Variants in APLF observed in about 807,000 individuals in gnomAD.
The protein encoded by APLF is aprataxin and PNK-like factor.
A neutral mutation model predicts 55.6 loss-of-function variants in APLF; 61 were observed. That is an observed-to-expected ratio of 1.10 (90% CI 0.89 to 1.36). The LOEUF (loss-of-function observed/expected upper bound fraction) is 1.36. APLF is among the 40% of genes most tolerant of loss of function. APLF has a pLI of 0.00. For synonymous variants in APLF, 207 were observed against 214.8 expected, an observed-to-expected ratio of 0.96 and a Z score of 0.32; for missense variants, 611 against 602.5, an observed-to-expected ratio of 1.01 and a Z score of -0.15.
intron 8 of APLF, among the ~76,000 whole-genome samples, chr2:68,550,850 A>G (rs1392150303): frequency 6.6e-6 from 1 of 152,100 alleles, no homozygotes. Flanking sequence ...ATATAGTTAT[A>G]CCTCTGTACA....
chr2:68,467,589 G>A lies in APLF; in HGVS notation c.-143G>A, dbSNP rs899781581. 4 of 575,676 alleles carry A rather than the reference G, an allele frequency of 6.9e-6. No individual in the cohort carries two copies. Among genetic ancestry groups the A allele is most frequent in the East Asian group, 7.0e-5 (2 of 28,776 alleles). The allele number at this position is 575,676 out of a possible 1,614,324, so 35.7% of individuals were successfully genotyped here. A position where few individuals can be genotyped will look rare whatever the true frequency, so the allele number is the denominator to read the frequency against. On this transcript the variant is annotated 5_prime_UTR_variant, in exon 1 of 10. Transcript: ENST00000303795. ...GCTGCGCTGGGGCCGGGCTCTGAGA[G>A]GACCGGCGCAGCCGCGGGGAGCCTT...
chr2:68,484,335 T>G lies in APLF; in HGVS notation c.97-5855T>G, dbSNP rs184293952. ...TCAAATATAAGGGATCCACATGGTATCACTACAAAAGTGGTATAAGAATAG... is the reference window on the plus strand; with the variant it reads ...TCAAATATAAGGGATCCACATGGTAGCACTACAAAAGTGGTATAAGAATAG... On this transcript the variant is annotated intron_variant, in intron 1 of 9. Transcript: ENST00000303795. Among the ~76,000 whole-genome samples the G allele has an allele frequency of 5.6e-4, 85 of 152,228 alleles. 1 individual carries two copies. In the East Asian group the frequency reaches 0.011, roughly 19 times the overall value.
intron 7 of APLF, among the ~76,000 whole-genome samples, chr2:68,542,088 C>T (rs1403011504): frequency 6.6e-6 from 1 of 152,120 alleles, no homozygotes; most frequent in Non-Finnish European, 1.5e-5. Flanking sequence ...TGCATATTCA[C>T]ATGCAAAAGA....
At chr2:68,552,855 G>A (rs1356791686) in intron 8 of APLF, among the ~76,000 whole-genome samples, 1 of 151,704 alleles carries the variant, frequency 6.6e-6, no homozygotes, top group African/African-American at 2.4e-5. Flanking sequence ...GTATAGATAT[G>A]GTGCTTTCTT....
At chr2:68,517,423 A>G (rs1477604125) in intron 5 of APLF, among the ~76,000 whole-genome samples, 1 of 132,414 alleles carries the variant, frequency 7.6e-6, no homozygotes, top group East Asian at 2.2e-4. Flanking sequence ...ATATTACTAT[A>G]TATTAATATA....
In APLF at chr2:68,467,704, T is replaced by C; in HGVS notation, c.-28T>C. On this transcript the variant is annotated 5_prime_UTR_variant, in exon 1 of 10. Transcript: ENST00000303795. The stretch of plus-strand genomic sequence containing the variant: ...GGAAACAGCGGAGGGGCCAGTCTCC[T>C]GGCGAAGGGGCCTAATCCTTGCCCG... 8.1e-7 allele frequency: 1 copy of C among 1,234,002 alleles called. No homozygotes were observed. The allele number at this position is 1,234,002 out of a possible 1,614,324, so 76.4% of individuals were successfully genotyped here.
rs900353201 is a variant in APLF at position 68,501,952 on chromosome 2, T to C, written c.169-779T>C. Among the ~76,000 whole-genome samples, 15 of 152,160 alleles carry C rather than the reference T, an allele frequency of 9.9e-5. No individual in the cohort carries two copies. The East Asian group carries it at 1.3e-3, about 14-fold the overall frequency. The stretch of plus-strand genomic sequence containing the variant: ...CTGGAAGCTGGGAAGTCTAAAATGC[T>C]GGGGCCGCATCTGGTGAGAGCTTTT... On this transcript the variant is annotated intron_variant, in intron 2 of 9. Coordinates refer to ENST00000303795, the MANE Select transcript of APLF (RefSeq NM_173545.3).
chr2:68,493,274 G>A (rs1200004206), intron 2 of APLF, among the ~76,000 whole-genome samples: 1 of 152,154 alleles, frequency 6.6e-6, no homozygotes, highest in African/African-American at 2.4e-5. Context: ...TTGCGTATCA[G>A]TGGGGAAGAG....
chr2:68,477,312 A>C (rs1446262123), intron 1 of APLF, among the ~76,000 whole-genome samples: 12 of 152,118 alleles, frequency 7.9e-5, no homozygotes, highest in Non-Finnish European at 1.8e-4. Flanking sequence ...GAGCAGTTCA[A>C]CTCTCCAGTA....
intron 8 of APLF, among the ~76,000 whole-genome samples, chr2:68,563,688 C>A (rs962219917): frequency 6.6e-6 from 1 of 151,966 alleles, no homozygotes; most frequent in African/African-American, 2.4e-5. Flanking sequence ...TTTAAAAAGC[C>A]TGACATTTAG....
At chr2:68,533,576 T>G (rs1670314982) in intron 6 of APLF, among the ~76,000 whole-genome samples, 1 of 152,238 alleles carries the variant, frequency 6.6e-6, no homozygotes, top group South Asian at 2.1e-4. Flanking sequence ...ATGTTTTTGG[T>G]GTCAGCTGGG....
intron 1 of APLF, among the ~76,000 whole-genome samples, chr2:68,480,948 A>T (rs1675931441): frequency 6.6e-6 from 1 of 152,176 alleles, no homozygotes; most frequent in Non-Finnish European, 1.5e-5. Flanking sequence ...TTGTTGCATC[A>T]CTGGGATAAA....
At chr2:68,528,945 T>A (rs1412270558) in intron 6 of APLF, 9 of 1,521,736 alleles carry the variant, frequency 5.9e-6, no homozygotes, top group Non-Finnish European at 7.9e-6. Flanking sequence ...CCCCTTTTAT[T>A]GTCCTCCTGC....
chr2:68,467,835 TGGGCGG>T lies in APLF; in HGVS notation c.96+13_96+18del. ...CGCGGGCCGCTGCTGGGAGTAAGTG[TGGGCGG>T]GGGCTTAGCGGACCCCGAGAGCCGT... On this transcript the variant is annotated intron_variant, in intron 1 of 9. Coordinates refer to ENST00000303795, the MANE Select transcript of APLF (RefSeq NM_173545.3). 1 of 1,232,176 alleles carries T rather than the reference TGGGCGG, an allele frequency of 8.1e-7. No individual in the cohort carries two copies. Among genetic ancestry groups the T allele is most frequent in the Non-Finnish European group, 1.0e-6 (1 of 987,918 alleles). 76.3% of individuals were successfully genotyped at this position (1,232,176 alleles called of 1,614,324 possible).
chr2:68,501,815 G>T (rs112367163), intron 2 of APLF, among the ~76,000 whole-genome samples: 3,910 of 152,252 alleles, frequency 0.026, 67 homozygotes, highest in South Asian at 0.043. Flanking sequence ...TTGCTTGAGA[G>T]ATTTGATTAG....
chr2:68,511,222 T>C (rs1233479212), intron 3 of APLF, among the ~76,000 whole-genome samples: 1 of 151,798 alleles, frequency 6.6e-6, no homozygotes, highest in African/African-American at 2.4e-5. Flanking sequence ...CTCAATTACC[T>C]TTACTAGACT....
intron 6 of APLF, chr2:68,528,361 A>G: frequency 6.5e-7 from 1 of 1,532,466 alleles, no homozygotes; most frequent in Non-Finnish European, 8.7e-7. Context: ...CTCTTTGGGA[A>G]GCCTGACCCA....
rs141727835 is a variant in APLF, at chr2:68,481,568, A to G, written c.97-8622A>G. Among the ~76,000 whole-genome samples, 968 of 152,290 alleles carry G rather than the reference A, an allele frequency of 6.4e-3. 2 individuals are homozygous for G. The highest frequency in any genetic ancestry group is 0.01 in the South Asian group (49 of 4,830). ...GTCTTTGACTTTTGAAAATTTGACT[A>G]TAAGTGCCTTGGAGAGGAACTTTTT... On this transcript the variant is annotated intron_variant, in intron 1 of 9. Transcript: ENST00000303795.
intron 9 of APLF, among the ~76,000 whole-genome samples, chr2:68,575,142 G>A (rs1184235209): frequency 6.7e-6 from 1 of 150,142 alleles, no homozygotes; most frequent in Non-Finnish European, 1.5e-5. Context: ...ACATGGTATG[G>A]GGAATGCCAT....
Sources: gnomAD v4.1 joint callset for allele counts (sites outside exome capture counted in the v4.1 genomes callset) on GRCh38, gnomAD v4.1.1 for gene constraint, MANE v1.5 for transcripts, NCBI Gene and HGNC (gene_info 2026-07-23, HGNC 2026-07-21) for gene names.